Variants in UBE2E2 observed in about 807,000 individuals in gnomAD.
The protein encoded by UBE2E2 is ubiquitin-conjugating enzyme E2 E2.
A neutral mutation model predicts 24.7 loss-of-function variants in UBE2E2; 6 were observed. The ratio of observed to expected loss-of-function variants is 0.24; its 90% confidence interval spans 0.13 to 0.48. The LOEUF is 0.48. UBE2E2 is among the 20% of genes least tolerant of loss of function. UBE2E2 has a pLI of 0.99. For missense variants in UBE2E2, 169 were observed against 245.0 expected, an observed-to-expected ratio of 0.69 and a Z score of 2.07; for synonymous variants, 104 against 83.6, an observed-to-expected ratio of 1.24 and a Z score of -1.33.
At chr3:23,557,298 G>A (rs1695814316) in intron 5 of UBE2E2, among the ~76,000 whole-genome samples, 2 of 152,152 alleles carry the variant, frequency 1.3e-5, no homozygotes, top group South Asian at 4.1e-4. Context: ...ATTTACTGTT[G>A]CGCATTTTGT....
chr3:23,494,371 A>G (rs1291424802), intron 3 of UBE2E2, among the ~76,000 whole-genome samples: 1 of 152,352 alleles, frequency 6.6e-6, no homozygotes, highest in East Asian at 1.9e-4. Flanking sequence ...TTCATTAATA[A>G]TTATTAAATT....
At chr3:23,539,004 G>A (rs1245009228) in intron 5 of UBE2E2, among the ~76,000 whole-genome samples, 4 of 152,244 alleles carry the variant, frequency 2.6e-5, no homozygotes, top group Admixed American at 2.6e-4. Flanking sequence ...TACTGAATGA[G>A]AAAGGAAAGC....
chr3:23,508,507 T>G (rs1364228112), intron 4 of UBE2E2, among the ~76,000 whole-genome samples: 5 of 152,208 alleles, frequency 3.3e-5, no homozygotes, highest in Admixed American at 2.0e-4. Flanking sequence ...TTTAGTTTAT[T>G]ATTGTCTCCT....
intron 3 of UBE2E2, among the ~76,000 whole-genome samples, chr3:23,418,055 A>T (rs1379628765): frequency 6.6e-6 from 1 of 151,978 alleles, no homozygotes; most frequent in Non-Finnish European, 1.5e-5. Context: ...CCCCTTTTCC[A>T]GGGGAGTGAA....
chr3:23,565,754 G>T (rs1342502305), intron 5 of UBE2E2, among the ~76,000 whole-genome samples: 1 of 152,140 alleles, frequency 6.6e-6, no homozygotes, highest in Non-Finnish European at 1.5e-5. Context: ...CTCTCACAGG[G>T]CAAGATGCTT....
intron 5 of UBE2E2, among the ~76,000 whole-genome samples, chr3:23,559,547 A>G (rs1228175120): frequency 6.6e-6 from 1 of 152,250 alleles, no homozygotes; most frequent in Non-Finnish European, 1.5e-5. Flanking sequence ...AATAAAAGAT[A>G]GTCATGTTTA....
chr3:23,475,726 C>T (rs1699118468), intron 3 of UBE2E2, among the ~76,000 whole-genome samples: 1 of 151,982 alleles, frequency 6.6e-6, no homozygotes, highest in Admixed American at 6.6e-5. Context: ...GATCTGCACA[C>T]CACTACTGCC....
intron 3 of UBE2E2, among the ~76,000 whole-genome samples, chr3:23,482,800 C>G (rs558347649): frequency 6.6e-6 from 1 of 152,040 alleles, no homozygotes; most frequent in African/African-American, 2.4e-5. Context: ...GAATAATAAT[C>G]CTATCTCACT....
chr3:23,203,335 G>T lies in UBE2E2; in HGVS notation c.-138G>T. 2 of 986,532 alleles carry T rather than the reference G, an allele frequency of 2.0e-6. No homozygotes were observed. 61.1% of individuals were successfully genotyped at this position (986,532 alleles called of 1,614,324 possible). ...GCGTGGTGCGTGGGTCCGGCTTTCGGTGACTAGACGGTCCGCAGGGGACAT... is the reference window on the plus strand; with the variant it reads ...GCGTGGTGCGTGGGTCCGGCTTTCGTTGACTAGACGGTCCGCAGGGGACAT... On this transcript the variant is annotated 5_prime_UTR_variant, in exon 1 of 6. Transcript: ENST00000396703.
intron 3 of UBE2E2, among the ~76,000 whole-genome samples, chr3:23,398,376 G>C (rs1223277920): frequency 2.0e-5 from 3 of 148,876 alleles, no homozygotes; most frequent in Non-Finnish European, 3.0e-5. Flanking sequence ...TTTTTCCAAA[G>C]TAATCACTAT....
At chr3:23,203,110 G>A, upstream of UBE2E2, 3 of 980,668 alleles carry the variant, frequency 3.1e-6, no homozygotes, top group Non-Finnish European at 2.4e-6. Flanking sequence ...GCGCACTCGC[G>A]GGTGCGCGCG....
At chr3:23,497,352 A>G (rs1353886765) in intron 3 of UBE2E2, among the ~76,000 whole-genome samples, 6 of 152,302 alleles carry the variant, frequency 3.9e-5, no homozygotes, top group Admixed American at 1.3e-4. Context: ...GCAATACGCA[A>G]TTTGCTGGAG....
At chr3:23,408,638 G>C (rs1697425242) in intron 3 of UBE2E2, among the ~76,000 whole-genome samples, 1 of 152,286 alleles carries the variant, frequency 6.6e-6, no homozygotes, top group South Asian at 2.1e-4. Context: ...TTTAACACCA[G>C]AGTTGGAAAT....
At chr3:23,224,245 TG>T (rs1696755183) in intron 3 of UBE2E2, among the ~76,000 whole-genome samples, 1 of 151,220 alleles carries the variant, frequency 6.6e-6, no homozygotes, top group Non-Finnish European at 1.5e-5. Flanking sequence ...TAAATTGCTT[TG>T]GGTAGTCTTG....
intron 3 of UBE2E2, among the ~76,000 whole-genome samples, chr3:23,352,889 C>G (rs1260261032): frequency 6.6e-6 from 1 of 152,178 alleles, no homozygotes; most frequent in Non-Finnish European, 1.5e-5. Flanking sequence ...TTTTATAAGG[C>G]CAGCATCATC....
chr3:23,461,349 A>G (rs191131783), intron 3 of UBE2E2, among the ~76,000 whole-genome samples: 1 of 152,292 alleles, frequency 6.6e-6, no homozygotes, highest in Non-Finnish European at 1.5e-5. Flanking sequence ...TAGGTAACTT[A>G]TCTTTGTCTT....
chr3:23,297,650 C>T (rs1332769717), intron 3 of UBE2E2, among the ~76,000 whole-genome samples: 5 of 152,120 alleles, frequency 3.3e-5, no homozygotes, highest in Non-Finnish European at 7.4e-5. Context: ...GTCTATATCT[C>T]TGTTTTGGTA....
chr3:23,498,868 ATTG>A (rs1049682808), intron 3 of UBE2E2, among the ~76,000 whole-genome samples: 4 of 152,088 alleles, frequency 2.6e-5, no homozygotes, highest in African/African-American at 9.7e-5. Context: ...TGTGGGCCAT[ATTG>A]TTTTCAGCAA....
chr3:23,260,989 G>A (rs1480454293), intron 3 of UBE2E2, among the ~76,000 whole-genome samples: 2 of 152,270 alleles, frequency 1.3e-5, no homozygotes, highest in East Asian at 1.9e-4. Context: ...TGTAGTCTCA[G>A]CTACCTGGGA....
Sources: gnomAD v4.1 joint callset for allele counts (sites outside exome capture counted in the v4.1 genomes callset) on GRCh38, gnomAD v4.1.1 for gene constraint, MANE v1.5 for transcripts, NCBI Gene and HGNC (gene_info 2026-07-23, HGNC 2026-07-21) for gene names.